The following SPATA31D1 variants were observed in gnomAD, a reference collection of about 807,000 sequenced individuals.
The protein encoded by SPATA31D1 is spermatogenesis-associated protein 31D1.
SPATA31D1 carries 6 observed loss-of-function variants against 13.2 expected under a neutral mutation model. That is an observed-to-expected ratio of 0.46 (90% CI 0.25 to 0.90). The LOEUF (loss-of-function observed/expected upper bound fraction) is 0.90, where lower values mean the gene tolerates loss of function less well. SPATA31D1 is among the 40% of genes least tolerant of loss of function. The pLI, the probability that SPATA31D1 is intolerant of heterozygous loss-of-function variation, is 0.18. For missense variants in SPATA31D1, 2,445 were observed against 1,884.7 expected (o/e 1.30, Z -5.50); for synonymous variants, 903 against 718.8 (o/e 1.26, Z -4.10).
Position 81,991,338 on chromosome 9 carries a change from G to A in SPATA31D1, c.868G>A (p.Asp290Asn), listed in dbSNP as rs1456997049. ...QDISQAMNPI[D>N]SCARHHGPPI... is the part of the protein sequence containing the mutation. The stretch of plus-strand genomic sequence containing the variant: ...TATTTCGCAGGCCATGAATCCCATT[G>A]ATTCTTGTGCTCGTCATCACGGACC... The change falls in exon 4 of 4, where the codon GAT (aspartate) becomes AAT (asparagine). Residue 290 changes from aspartate to asparagine, a missense_variant. Physicochemically the swap from Asp to Asn is conservative, Grantham distance 23. Transcript: ENST00000344803. 1.5e-5 allele frequency: 25 copies of A among 1,613,886 alleles called. No homozygotes were observed. Among genetic ancestry groups the A allele is most frequent in the Admixed American group, 5.0e-5 (3 of 60,004 alleles).
In SPATA31D1 at chr9:81,990,839, G is replaced by T. The variant is rs1824938616; in HGVS notation, c.369G>T (p.Leu123=). The change falls in exon 4 of 4, where the codon CTG becomes CTT. Residue 123 remains leucine (L), a synonymous_variant. Coordinates refer to ENST00000344803, the MANE Select transcript of SPATA31D1 (RefSeq NM_001001670.3). ...ATGATACCAACCACTTTCGTCGACT[G>T]TTATGCCCAGACCCCGTCTGTCGGG... The part of the protein sequence containing the change: ...QHHDTNHFRR[L]LCPDPVCRVC... 1.2e-6 allele frequency: 2 copies of T among 1,613,916 alleles called. No individual in the cohort carries two copies. The highest frequency in any genetic ancestry group is 2.2e-5 in the East Asian group (1 of 44,858).
chr9:81,993,814 T>G lies in SPATA31D1; in HGVS notation c.3344T>G (p.Leu1115Arg). Residue 1115 changes from leucine (L) to arginine (R), a missense_variant, in exon 4 of 4, where the codon CTG (leucine) becomes CGG (arginine). Leu to Arg is a moderately radical substitution (Grantham distance 102). Transcript: ENST00000344803. ...CTGGCCAGTAGATGCAGCGCAGAGC[T>G]GCCCATAATGCAAGCTGGAGCTGGC... ...TVLASRCSAE[L>R]PIMQAGAGCE... The G allele has an allele frequency of 6.2e-7, 1 of 1,614,008 alleles. No individual in the cohort carries two copies. Among genetic ancestry groups the G allele is most frequent in the East Asian group, 2.2e-5 (1 of 44,854 alleles).
rs1194824762 is a variant in SPATA31D1 at position 81,994,255 on chromosome 9, G to T, written c.3785G>T (p.Ser1262Ile). Residue 1262 changes from serine (S) to isoleucine (I), a missense_variant, in exon 4 of 4, where the codon AGC becomes ATC. Physicochemically the swap from Ser to Ile is moderately radical, Grantham distance 142 (BLOSUM62 -2). Coordinates refer to ENST00000344803, the MANE Select transcript of SPATA31D1 (RefSeq NM_001001670.3). ...GTGGTGCATGTCCACTTGGAGGACA[G>T]CGGAATCCGTGTGGCACAGAAGCAG... ...SQVVHVHLEDSGIRVAQKQEP... is the reference protein window; with the variant it reads ...SQVVHVHLEDIGIRVAQKQEP... 3.1e-6 allele frequency: 5 copies of T among 1,613,904 alleles called. No individual in the cohort carries two copies. The Admixed American group carries it at 8.3e-5, about 27-fold the overall frequency.
In SPATA31D1 at chr9:81,993,001, G is replaced by A. The variant is rs763574014; in HGVS notation, c.2531G>A (p.Gly844Asp). The change falls in exon 4 of 4, where the codon GGT becomes GAT. Residue 844 changes from glycine to aspartate, a missense_variant. Transcript: ENST00000344803. Reference protein sequence around the residue: ...LSKKFEEINEGRMPGTVHSSW... With the variant: ...LSKKFEEINEDRMPGTVHSSW... ...AAGAAATTTGAGGAAATCAATGAGG[G>A]TCGAATGCCTGGGACTGTGCATAGT... 2 of 1,613,740 alleles carry A rather than the reference G, an allele frequency of 1.2e-6. No individual in the cohort carries two copies. Among genetic ancestry groups the A allele is most frequent in the Non-Finnish European group, 8.5e-7 (1 of 1,179,722 alleles).
At position 81,992,097 on chromosome 9, in the gene SPATA31D1, G is replaced by T. The variant is rs749798937; in HGVS notation, c.1627G>T (p.Glu543Ter). The part of the protein sequence containing the change: ...NGITNTSISH[E>*]SPVLPPPQPL... ...CATTACAAATACATCTATATCCCAT[G>T]AATCCCCAGTACTTCCCCCTCCCCA... Residue 543 changes from glutamate to a stop codon, truncating the protein, a stop_gained, in exon 4 of 4, where the codon GAA (glutamate) becomes TAA (stop). Transcript: ENST00000344803. LOFTEE classifies it low-confidence loss of function (END_TRUNC). The T allele has an allele frequency of 6.2e-7, 1 of 1,613,502 alleles. No individual in the cohort carries two copies. The highest frequency in any genetic ancestry group is 1.3e-5 in the African/African-American group (1 of 74,860).
In SPATA31D1 at chr9:81,988,931, T is replaced by A; in HGVS notation, c.113T>A (p.Phe38Tyr). ...ATCTGCTTGAGTGGGTTGGGGTTGT[T>A]TATACTGTACTTGTTCTACGTGGTA... The part of the protein sequence containing the change: ...NFICLSGLGL[F>Y]ILYLFYVVLT... Residue 38 changes from phenylalanine to tyrosine, a missense_variant, in exon 1 of 4, where the codon TTT becomes TAT. Physicochemically the swap from Phe to Tyr is conservative, Grantham distance 22. Transcript: ENST00000344803. 1 of 1,612,482 alleles carries A rather than the reference T, an allele frequency of 6.2e-7. No homozygotes were observed. The highest frequency in any genetic ancestry group is 8.5e-7 in the Non-Finnish European group (1 of 1,179,710).
Position 81,990,957 on chromosome 9 carries a change from G to A in SPATA31D1, c.487G>A (p.Ala163Thr), listed in dbSNP as rs1824941927. 1 of 1,613,732 alleles carries A rather than the reference G, an allele frequency of 6.2e-7. No individual in the cohort carries two copies. The highest frequency in any genetic ancestry group is 1.3e-5 in the African/African-American group (1 of 74,898). Residue 163 changes from alanine to threonine, a missense_variant, in exon 4 of 4, where the codon GCT becomes ACT. Coordinates refer to ENST00000344803, the MANE Select transcript of SPATA31D1 (RefSeq NM_001001670.3). ...APSVSPLASS[A>T]SATESSFTLA... The stretch of plus-strand genomic sequence containing the variant: ...CTCTGTGTCCCCTTTGGCTTCTTCG[G>A]CTTCTGCGACTGAGTCATCGTTCAC...
Position 81,994,038 on chromosome 9 carries a change from T to A in SPATA31D1, c.3568T>A (p.Ser1190Thr), listed in dbSNP as rs1034355431. 2.0e-5 allele frequency: 33 copies of A among 1,613,824 alleles called. No homozygotes were observed. Among genetic ancestry groups the A allele is most frequent in the Non-Finnish European group, 2.8e-5 (33 of 1,179,780 alleles). Residue 1190 changes from serine (S) to threonine (T), a missense_variant, in exon 4 of 4, where the codon TCA (serine) becomes ACA (threonine). Transcript: ENST00000344803. ...AACTGAAATTTTCCCACCAAGAATA[T>A]CAGTTCCTCAAGATCCTAAATCATC... The part of the protein sequence containing the change: ...NETEIFPPRI[S>T]VPQDPKSSYL...
At chr9:81,989,663 T>C (rs1824913424) in intron 1 of SPATA31D1, 115 bp from the exon 2 acceptor site, 1 of 1,131,492 alleles carries the variant, frequency 8.8e-7, no homozygotes, top group Admixed American at 2.4e-5. Context: ...TTTCTATTAA[T>C]TAAAGAGTAA....
chr9:81,991,663 T>A lies in SPATA31D1; in HGVS notation c.1193T>A (p.Leu398His). 1.2e-6 allele frequency: 2 copies of A among 1,613,928 alleles called. No individual in the cohort carries two copies. The highest frequency in any genetic ancestry group is 2.2e-5 in the South Asian group (2 of 91,072). ...TTAGGGGGGCACTCTGTGGCCAACC[T>A]CATAGAGCCTGTTAACATCTCATTT... ...AFLGGHSVAN[L>H]IEPVNISFLS... Residue 398 changes from leucine (L) to histidine (H), a missense_variant, in exon 4 of 4, where the codon CTC becomes CAC. Physicochemically the swap from Leu to His is moderately conservative, Grantham distance 99. Transcript: ENST00000344803.
chr9:81,993,858 A>G lies in SPATA31D1; in HGVS notation c.3388A>G (p.Arg1130Gly), dbSNP rs376740766. The G allele has an allele frequency of 2.5e-6, 4 of 1,613,886 alleles. No individual in the cohort carries two copies. In the African/African-American group the frequency reaches 5.3e-5, roughly 22 times the overall value. The part of the protein sequence containing the change: ...AGAGCESWDK[R>G]KSSFHNVDRL... ...AGCTGGCTGTGAGTCATGGGATAAG[A>G]GAAAGAGTTCCTTTCATAATGTAGA... is the stretch of plus-strand genomic sequence containing the variant. Residue 1130 changes from arginine (R) to glycine (G), a missense_variant, in exon 4 of 4, where the codon AGA becomes GGA. Coordinates refer to ENST00000344803, the MANE Select transcript of SPATA31D1 (RefSeq NM_001001670.3).
At chr9:81,989,030 A>G in intron 1 of SPATA31D1, 26 bp downstream of exon 1, 5 of 1,608,576 alleles carry the variant, frequency 3.1e-6, no homozygotes, top group Non-Finnish European at 4.2e-6. Flanking sequence ...TGAACACCCA[A>G]GAGAGATGCC....
Position 81,993,004 on chromosome 9 carries a change from G to A in SPATA31D1, c.2534G>A (p.Arg845Gln), listed in dbSNP as rs372805132. 4.8e-5 allele frequency: 77 copies of A among 1,613,710 alleles called. No individual in the cohort carries two copies. Among genetic ancestry groups the A allele is most frequent in the African/African-American group, 6.7e-5 (5 of 75,002 alleles). The change falls in exon 4 of 4, where the codon CGA (arginine) becomes CAA (glutamine). Residue 845 changes from arginine to glutamine, a missense_variant. Arg to Gln is a conservative substitution (Grantham distance 43). Coordinates refer to ENST00000344803, the MANE Select transcript of SPATA31D1 (RefSeq NM_001001670.3). Reference protein sequence around the residue: ...SKKFEEINEGRMPGTVHSSWH... With the variant: ...SKKFEEINEGQMPGTVHSSWH... ...AAATTTGAGGAAATCAATGAGGGTC[G>A]AATGCCTGGGACTGTGCATAGTTCA...
At position 81,992,376 on chromosome 9, in the gene SPATA31D1, T is replaced by A; in HGVS notation, c.1906T>A (p.Leu636Met). 1 of 1,613,730 alleles carries A rather than the reference T, an allele frequency of 6.2e-7. No homozygotes were observed. Among genetic ancestry groups the A allele is most frequent in the Non-Finnish European group, 8.5e-7 (1 of 1,179,730 alleles). ...CGTGTTGCAGAAAGTGCAGGAAAGT[T>A]TGTGGGGCTTACCCTCTGTGGTTCA... is the stretch of plus-strand genomic sequence containing the variant. ...WNVLQKVQES[L>M]WGLPSVVQKS... Residue 636 changes from leucine to methionine, a missense_variant, in exon 4 of 4, where the codon TTG becomes ATG. Leu to Met is a conservative substitution (Grantham distance 15). Coordinates refer to ENST00000344803, the MANE Select transcript of SPATA31D1 (RefSeq NM_001001670.3).
At chr9:81,988,384 G>C (rs987870636), upstream of SPATA31D1, among the ~76,000 whole-genome samples, 2 of 152,178 alleles carry the variant, frequency 1.3e-5, no homozygotes, top group Non-Finnish European at 2.9e-5. Context: ...TAGGTAAGAT[G>C]GATTTGAGGA....
In SPATA31D1 at chr9:81,993,946, A is replaced by G; in HGVS notation, c.3476A>G (p.Asn1159Ser). The G allele has an allele frequency of 6.2e-7, 1 of 1,613,928 alleles. No individual in the cohort carries two copies. Among genetic ancestry groups the G allele is most frequent in the Non-Finnish European group, 8.5e-7 (1 of 1,179,802 alleles). The change falls in exon 4 of 4, where the codon AAC (asparagine) becomes AGC (serine). Residue 1159 changes from asparagine (N) to serine (S), a missense_variant. By Grantham distance (46) the Asn-to-Ser change is conservative. Coordinates refer to ENST00000344803, the MANE Select transcript of SPATA31D1 (RefSeq NM_001001670.3). ...AATGCTCTTCAATCACAAACTAGGA[A>G]CAACTTGACAACCAGCAAGTCAGGA... ...VTNALQSQTR[N>S]NLTTSKSGSC...
chr9:81,991,746 C>A lies in SPATA31D1; in HGVS notation c.1276C>A (p.Leu426Met). ...ACAAGTCAAAAAAAGGGGTGATTTC[C>A]TGATGTGGAAAGAAAATGGAAAGAA... is the stretch of plus-strand genomic sequence containing the variant. Reference protein sequence around the residue: ...ERQVKKRGDFLMWKENGKKPG... With the variant: ...ERQVKKRGDFMMWKENGKKPG... The change falls in exon 4 of 4, where the codon CTG (leucine) becomes ATG (methionine). Residue 426 changes from leucine to methionine, a missense_variant. Leu to Met is a conservative substitution (Grantham distance 15, BLOSUM62 2). Transcript: ENST00000344803. 1 of 1,613,764 alleles carries A rather than the reference C, an allele frequency of 6.2e-7. No individual in the cohort carries two copies. The highest frequency in any genetic ancestry group is 8.5e-7 in the Non-Finnish European group (1 of 1,179,732).
rs757133010 is a variant in SPATA31D1, at chr9:81,990,468, T to A, written c.284T>A (p.Leu95Gln). Residue 95 changes from leucine (L) to glutamine (Q), a missense_variant, in exon 3 of 4, where the codon CTG becomes CAG. Transcript: ENST00000344803. The part of the protein sequence containing the change: ...FQREEEEERK[L>Q]LSLLKSFGPP... ...AGAGAAGAGGAAGAGGAAAGGAAGC[T>A]GCTTTCTCTTCTGAAAAGGTGATTA... The A allele has an allele frequency of 6.2e-7, 1 of 1,607,442 alleles. No homozygotes were observed. The highest frequency in any genetic ancestry group is 8.5e-7 in the Non-Finnish European group (1 of 1,176,690).
upstream of SPATA31D1, among the ~76,000 whole-genome samples, chr9:81,988,394 A>G (rs913626527): frequency 6.6e-6 from 1 of 152,196 alleles, no homozygotes; most frequent in Non-Finnish European, 1.5e-5. Flanking sequence ...GGATTTGAGG[A>G]CATATGTGAT....
Sources: allele counts gnomAD v4.1 joint callset (sites outside exome capture counted in the v4.1 genomes callset), GRCh38; gene constraint gnomAD v4.1.1; transcripts MANE v1.5; gene names NCBI Gene and HGNC (gene_info 2026-07-23, HGNC 2026-07-21).